The following ZNF407 variants were observed in gnomAD, a reference collection of about 807,000 sequenced individuals.
The protein encoded by ZNF407 is zinc finger protein 407.
ZNF407 carries 17 observed loss-of-function variants against 131.2 expected under a neutral mutation model. That is an observed-to-expected ratio of 0.13 (90% CI 0.09 to 0.19). The LOEUF (loss-of-function observed/expected upper bound fraction) is 0.19. Ranked by LOEUF, ZNF407 falls within the 10% of genes least tolerant of loss-of-function variation. ZNF407 has a pLI of 1.00. For synonymous variants in ZNF407, 1,156 were observed against 1,062.0 expected (o/e 1.09, Z -1.72); for missense variants, 2,681 against 2,830.6 (o/e 0.95, Z 1.20).
At chr18:74,902,392 A>T (rs1381165061) in intron 7 of ZNF407, among the ~76,000 whole-genome samples, 1 of 152,178 alleles carries the variant, frequency 6.6e-6, no homozygotes, top group Admixed American at 6.5e-5. Context: ...CACACAGAAC[A>T]AGGGCTCGCA....
chr18:75,031,081 T>C (rs1344937484), intron 8 of ZNF407, among the ~76,000 whole-genome samples: 1 of 152,174 alleles, frequency 6.6e-6, no homozygotes, highest in Non-Finnish European at 1.5e-5. Context: ...CCCATACACA[T>C]AGCAGCAGTT....
At chr18:74,994,726 C>T (rs761658222) in intron 8 of ZNF407, among the ~76,000 whole-genome samples, 3 of 152,104 alleles carry the variant, frequency 2.0e-5, no homozygotes, top group Non-Finnish European at 2.9e-5. Context: ...ATGCAAAAGA[C>T]GGCAGCGGCA....
At chr18:74,754,436 A>T (rs1439794511) in intron 3 of ZNF407, among the ~76,000 whole-genome samples, 1 of 152,000 alleles carries the variant, frequency 6.6e-6, no homozygotes, top group African/African-American at 2.4e-5. Context: ...TTTAATTGTG[A>T]TGTTAGGATA....
chr18:75,054,759 G>A (rs542985964), intron 8 of ZNF407, among the ~76,000 whole-genome samples: 30 of 152,292 alleles, frequency 2.0e-4, no homozygotes, highest in African/African-American at 7.0e-4. Flanking sequence ...AGTTTGTTAC[G>A]TCTTTAAGTC....
chr18:74,814,386 C>T (rs1970239384), intron 4 of ZNF407, among the ~76,000 whole-genome samples: 1 of 152,178 alleles, frequency 6.6e-6, no homozygotes, highest in Admixed American at 6.5e-5. Context: ...CAGCCTCCCA[C>T]AGTGCTGTAG....
chr18:74,686,992 C>A (rs988544970), intron 3 of ZNF407, among the ~76,000 whole-genome samples: 1 of 152,066 alleles, frequency 6.6e-6, no homozygotes, highest in Admixed American at 6.5e-5. Context: ...TAAAACAGAC[C>A]AAAATGCTGG....
intron 8 of ZNF407, among the ~76,000 whole-genome samples, chr18:74,923,172 G>C (rs183731411): frequency 1.3e-5 from 2 of 152,088 alleles, no homozygotes; most frequent in East Asian, 3.9e-4. Flanking sequence ...AAGACTATAT[G>C]TGAGTTCTAA....
chr18:75,003,222 A>G (rs1458452372), intron 8 of ZNF407, among the ~76,000 whole-genome samples: 2 of 152,198 alleles, frequency 1.3e-5, no homozygotes, highest in African/African-American at 2.4e-5. Flanking sequence ...CTTCCTGGCA[A>G]ATGTGTTTGG....
chr18:74,833,462 G>C (rs948592564), intron 4 of ZNF407, among the ~76,000 whole-genome samples: 2 of 152,246 alleles, frequency 1.3e-5, no homozygotes, highest in Non-Finnish European at 2.9e-5. Flanking sequence ...TGAGGCTCCA[G>C]CCTTTGAGAG....
chr18:74,622,280 C>T (rs1983544560), intron 1 of ZNF407, among the ~76,000 whole-genome samples: 1 of 152,100 alleles, frequency 6.6e-6, no homozygotes, highest in Non-Finnish European at 1.5e-5. Flanking sequence ...GAGGTAATAC[C>T]ATAAGGGCAA....
At chr18:74,760,704 G>T (rs1201709582) in intron 3 of ZNF407, among the ~76,000 whole-genome samples, 2 of 152,102 alleles carry the variant, frequency 1.3e-5, no homozygotes, top group African/African-American at 4.8e-5. Flanking sequence ...AATTTTTACG[G>T]GAATGAGGTC....
intron 8 of ZNF407, among the ~76,000 whole-genome samples, chr18:74,948,484 T>C (rs1323880487): frequency 6.6e-6 from 1 of 152,226 alleles, no homozygotes; most frequent in East Asian, 1.9e-4. Context: ...AGACATCAGC[T>C]TTGCAGTTTC....
At chr18:74,973,469 G>A (rs1972495480) in intron 8 of ZNF407, among the ~76,000 whole-genome samples, 1 of 151,930 alleles carries the variant, frequency 6.6e-6, no homozygotes, top group Admixed American at 6.6e-5. Flanking sequence ...AGTGGTGTAG[G>A]CCAACACGCG....
intron 7 of ZNF407, among the ~76,000 whole-genome samples, chr18:74,918,565 G>A (rs765442719): frequency 9.9e-5 from 15 of 152,276 alleles, no homozygotes; most frequent in Admixed American, 1.3e-4. Flanking sequence ...TGACTCATGA[G>A]AGAAAGAAGC....
chr18:75,028,515 C>T (rs925975457), intron 8 of ZNF407, among the ~76,000 whole-genome samples: 1 of 152,174 alleles, frequency 6.6e-6, no homozygotes, highest in Non-Finnish European at 1.5e-5. Flanking sequence ...GTTAGGACTT[C>T]AACACAGGAA....
chr18:74,686,471 C>T (rs1351817535), intron 3 of ZNF407, among the ~76,000 whole-genome samples: 5 of 152,186 alleles, frequency 3.3e-5, no homozygotes, highest in Admixed American at 2.6e-4. Context: ...AGGCCCAGGT[C>T]TGTATTGTCC....
At chr18:74,822,441 A>G (rs9958461) in intron 4 of ZNF407, among the ~76,000 whole-genome samples, 7,815 of 152,216 alleles carry the variant, frequency 0.051, 625 homozygotes, top group African/African-American at 0.17. Context: ...TAATTTTTGT[A>G]TAATGTGTAA....
intron 4 of ZNF407, among the ~76,000 whole-genome samples, chr18:74,809,006 T>C (rs1053367411): frequency 1.3e-4 from 20 of 152,174 alleles, no homozygotes; most frequent in Non-Finnish European, 2.4e-4. Context: ...GACCGAACCG[T>C]GGGTAAATAA....
At chr18:74,972,991 G>A (rs1277635214) in intron 8 of ZNF407, among the ~76,000 whole-genome samples, 7 of 151,874 alleles carry the variant, frequency 4.6e-5, no homozygotes, top group East Asian at 1.9e-4. Flanking sequence ...TTATTTTTTC[G>A]TTTTGTTTGT....
Sources: allele counts gnomAD v4.1 joint callset (sites outside exome capture counted in the v4.1 genomes callset), GRCh38; gene constraint gnomAD v4.1.1; transcripts MANE v1.5; gene names NCBI Gene and HGNC (gene_info 2026-07-23, HGNC 2026-07-21).